Variants in POM121 observed in about 807,000 individuals in gnomAD.
POM121 encodes the protein nuclear envelope pore membrane protein POM 121.
A neutral mutation model predicts 81.3 loss-of-function variants in POM121; 32 were observed. The observed-to-expected ratio is 0.39, with a 90% CI of 0.30 to 0.53. The LOEUF is 0.53. Ranked by LOEUF, POM121 falls within the 20% of genes least tolerant of loss-of-function variation. The pLI, the probability that POM121 is intolerant of heterozygous loss-of-function variation, is 0.66. For missense variants in POM121, 1,138 were observed against 1,614.6 expected (o/e 0.70, Z 5.06); for synonymous variants, 514 against 694.2 (o/e 0.74, Z 4.08).
At position 72,926,345 on chromosome 7, in the gene POM121, G is replaced by T; in HGVS notation, c.728G>T (p.Gly243Val). 6.2e-7 allele frequency: 1 copy of T among 1,613,186 alleles called. No individual in the cohort carries two copies. ...CATCAGGCCCAGTATTCCTGTCTGG[G>T]GGTACTTCCCACCGTGTGCTGGAAT... ...PIHQAQYSCLGVLPTVCWNGY... is the reference protein window; with the variant it reads ...PIHQAQYSCLVVLPTVCWNGY... The change falls in exon 2 of 13, where the codon GGG becomes GTG. Residue 243 changes from glycine to valine, a missense_variant. By Grantham distance (109) the Gly-to-Val change is moderately radical (BLOSUM62 -3). Coordinates refer to ENST00000434423, the MANE Select transcript of POM121 (RefSeq NM_001387691.1).
chr7:72,889,529 C>T (rs1308945502), intron 1 of POM121, among the ~76,000 whole-genome samples: 3 of 150,102 alleles, frequency 2.0e-5, no homozygotes, highest in African/African-American at 7.4e-5. Context: ...TTTTTTGAGA[C>T]AAGGTCTCGC....
chr7:72,917,895 A>G (rs1431049959), intron 4 of POM121, among the ~76,000 whole-genome samples: 1 of 152,224 alleles, frequency 6.6e-6, no homozygotes, highest in African/African-American at 2.4e-5. Flanking sequence ...AGAGTGAGTC[A>G]TCTCCAATGA....
At chr7:72,919,981 T>G (rs1450503872) in intron 4 of POM121, among the ~76,000 whole-genome samples, 1 of 152,226 alleles carries the variant, frequency 6.6e-6, no homozygotes, top group Non-Finnish European at 1.5e-5. Context: ...TTGATCTATA[T>G]CATTGGTTTT....
intron 1 of POM121, among the ~76,000 whole-genome samples, chr7:72,880,242 T>G (rs544934204): frequency 1.0e-3 from 159 of 151,920 alleles, no homozygotes; most frequent in African/African-American, 2.4e-3. Context: ...CACCCCCTTA[T>G]ATCTGCCCTG....
upstream of POM121, among the ~76,000 whole-genome samples, chr7:72,920,650 A>G (rs189327764): frequency 3.3e-4 from 50 of 150,698 alleles, no homozygotes; most frequent in African/African-American, 1.0e-3. Flanking sequence ...CACCGTGCCC[A>G]GCCAATTTTT....
At chr7:72,936,193 C>G (rs1269863341) in intron 5 of POM121, among the ~76,000 whole-genome samples, 2 of 152,084 alleles carry the variant, frequency 1.3e-5, no homozygotes, top group African/African-American at 4.8e-5. Context: ...TCTGTTTTTT[C>G]TTTATTTTTT....
At chr7:72,905,276 C>G (rs1554493251) in intron 3 of POM121, among the ~76,000 whole-genome samples, 2 of 152,136 alleles carry the variant, frequency 1.3e-5, no homozygotes, top group Non-Finnish European at 2.9e-5. Context: ...CTCTTTGACC[C>G]ATGAATTATT....
At chr7:72,934,734 G>GT (rs1300174621) in intron 5 of POM121, among the ~76,000 whole-genome samples, 1 of 152,142 alleles carries the variant, frequency 6.6e-6, no homozygotes, top group South Asian at 2.1e-4. Context: ...TGTTGTTGTT[G>GT]TTTTTTACTG....
At chr7:72,933,736 A>C (rs1458063747) in intron 5 of POM121, among the ~76,000 whole-genome samples, 2 of 152,216 alleles carry the variant, frequency 1.3e-5, no homozygotes, top group African/African-American at 4.8e-5. Context: ...CTACACACAT[A>C]CTGGGAAATG....
At chr7:72,945,097 G>T (rs1375847273) in intron 11 of POM121, among the ~76,000 whole-genome samples, 3 of 152,160 alleles carry the variant, frequency 2.0e-5, no homozygotes, top group Non-Finnish European at 4.4e-5. Flanking sequence ...TCCCTGCAGA[G>T]GGGCTGCCAG....
At chr7:72,934,733 T>A (rs1228953823) in intron 5 of POM121, among the ~76,000 whole-genome samples, 1 of 152,230 alleles carries the variant, frequency 6.6e-6, no homozygotes, top group Non-Finnish European at 1.5e-5. Flanking sequence ...TTGTTGTTGT[T>A]GTTTTTTACT....
exon 1 of POM121, chr7:72,879,803 G>T: frequency 2.0e-6 from 1 of 500,132 alleles, no homozygotes; most frequent in Non-Finnish European, 4.0e-6. Context: ...AGGGGACTTC[G>T]CGAGCAGACG....
chr7:72,927,062 T>G lies in POM121; in HGVS notation c.1022+99T>G, dbSNP rs1409687351. ...ATAGATACAGAGGCCATCTCCAGTT[T>G]ATGAGCCTTCGTAGGCCCCCTTCTT... On this transcript the variant is annotated intron_variant, in intron 3 of 12. Transcript: ENST00000434423. 1.0e-5 allele frequency: 16 copies of G among 1,583,054 alleles called. No individual in the cohort carries two copies. The African/African-American group carries it at 2.2e-4, about 21-fold the overall frequency.
At chr7:72,891,761 G>T (rs188613679) in intron 3 of POM121, among the ~76,000 whole-genome samples, 1 of 152,278 alleles carries the variant, frequency 6.6e-6, no homozygotes, top group African/African-American at 2.4e-5. Context: ...AAATTAACTT[G>T]AGACTTTTAT....
At chr7:72,914,041 C>G (rs1339696103) in intron 4 of POM121, among the ~76,000 whole-genome samples, 1 of 152,190 alleles carries the variant, frequency 6.6e-6, no homozygotes, top group African/African-American at 2.4e-5. Context: ...AGGACAGAAG[C>G]GACGCTATGA....
At position 72,894,626 on chromosome 7, in the gene POM121, GGA is replaced by G. The variant is rs71071923; in HGVS notation, c.-216+3571_-216+3572del. ...GAGAGAGAGAGAGATGAGAGAGAGAGGAGAGAGAGAGAGAGAGAGAGAGAGAG... is the reference window on the plus strand; with the variant it reads ...GAGAGAGAGAGAGATGAGAGAGAGAGGAGAGAGAGAGAGAGAGAGAGAGAG... On this transcript the variant is annotated intron_variant, in intron 3 of 15. Coordinates refer to the POM121 transcript ENST00000395270. Among the ~76,000 whole-genome samples, 21 of 23,342 alleles carry G rather than the reference GGA, an allele frequency of 9.0e-4. 1 individual carries two copies. The highest frequency in any genetic ancestry group is 4.8e-3 in the South Asian group (2 of 418). 15.3% of individuals were successfully genotyped at this position (23,342 alleles called of 152,430 possible). A position where few individuals can be genotyped will look rare whatever the true frequency, so the allele number is the denominator to read the frequency against.
intron 3 of POM121, among the ~76,000 whole-genome samples, chr7:72,897,297 C>T (rs1554491853): frequency 1.3e-5 from 2 of 152,038 alleles, no homozygotes; most frequent in Admixed American, 6.6e-5. Context: ...ACTTAGAGAG[C>T]TGAAGGAGGT....
At position 72,943,410 on chromosome 7, in the gene POM121, C is replaced by T. The variant is rs782712908; in HGVS notation, c.3417C>T (p.Thr1139=). Residue 1139 remains threonine (T), a synonymous_variant, in exon 11 of 13, where the codon ACC becomes ACT. Transcript: ENST00000434423. ...CAGGACAGAGTGGGAGCACAGCCACCTCCACCCCCTTCGCAGGGGGCTTAG... is the reference window on the plus strand; with the variant it reads ...CAGGACAGAGTGGGAGCACAGCCACTTCCACCCCCTTCGCAGGGGGCTTAG... ...FGAGQSGSTA[T]STPFAGGLGQ... is the part of the protein sequence containing the mutation. 7 of 1,613,280 alleles carry T rather than the reference C, an allele frequency of 4.3e-6. No individual in the cohort carries two copies. The East Asian group carries it at 1.6e-4, about 36-fold the overall frequency.
intron 3 of POM121, among the ~76,000 whole-genome samples, chr7:72,898,633 C>T (rs1437685565): frequency 1.3e-5 from 2 of 151,876 alleles, no homozygotes; most frequent in African/African-American, 2.4e-5. Flanking sequence ...CCTGTCTCTA[C>T]TAAAAATACA....
Sources: gnomAD v4.1 joint callset for allele counts (sites outside exome capture counted in the v4.1 genomes callset) on GRCh38, gnomAD v4.1.1 for gene constraint, MANE v1.5 for transcripts, NCBI Gene and HGNC (gene_info 2026-07-23, HGNC 2026-07-21) for gene names.